The following MAD1L1 variants were observed in gnomAD, a reference collection of about 807,000 sequenced individuals.
MAD1L1 encodes the protein mitotic arrest deficient 1 like 1.
MAD1L1 carries 95 observed loss-of-function variants against 96.9 expected under a neutral mutation model. The ratio of observed to expected loss-of-function variants is 0.98; its 90% CI spans 0.83 to 1.16. The LOEUF is 1.16. MAD1L1 is among the 50% of genes most tolerant of loss of function. The probability of loss-of-function intolerance (pLI) is 0.00; values close to 1 mark genes in which losing one functional copy is unlikely to be tolerated. For missense variants in MAD1L1, 1,007 were observed against 954.4 expected (o/e 1.06, Z -0.73); for synonymous variants, 473 against 396.6 (o/e 1.19, Z -2.29).
At chr7:2,220,143 C>T (rs533388949) in intron 5 of MAD1L1, among the ~76,000 whole-genome samples, 1 of 152,196 alleles carries the variant, frequency 6.6e-6, no homozygotes, top group Non-Finnish European at 1.5e-5. Flanking sequence ...GGCCAACCAA[C>T]AGGACAAAGA....
At chr7:1,859,010 G>A (rs568185114) in intron 18 of MAD1L1, among the ~76,000 whole-genome samples, 3 of 152,214 alleles carry the variant, frequency 2.0e-5, no homozygotes, top group South Asian at 2.1e-4. Flanking sequence ...CCCCCGACTC[G>A]GCCTGCATGG....
chr7:1,878,289 G>A (rs1487726356), intron 18 of MAD1L1, among the ~76,000 whole-genome samples: 2 of 151,890 alleles, frequency 1.3e-5, no homozygotes, highest in Non-Finnish European at 2.9e-5. Flanking sequence ...AAAAGAGGAG[G>A]AGGGAACCCT....
chr7:2,220,510 C>T (rs1300861422), intron 5 of MAD1L1, among the ~76,000 whole-genome samples: 1 of 152,260 alleles, frequency 6.6e-6, no homozygotes, highest in Non-Finnish European at 1.5e-5. Context: ...CACGGAAACA[C>T]ACGGGCGTGA....
At chr7:2,189,298 T>C (rs1791606241) in intron 10 of MAD1L1, among the ~76,000 whole-genome samples, 1 of 152,220 alleles carries the variant, frequency 6.6e-6, no homozygotes, top group Non-Finnish European at 1.5e-5. Context: ...AACCACAGGA[T>C]CCAGCAGGTT....
intron 15 of MAD1L1, among the ~76,000 whole-genome samples, chr7:1,961,369 T>G (rs1422140363): frequency 6.6e-6 from 1 of 152,152 alleles, no homozygotes; most frequent in Non-Finnish European, 1.5e-5. Flanking sequence ...ATCACAACAG[T>G]GCAGTACTGG....
chr7:2,093,520 C>T (rs1786322705), intron 11 of MAD1L1, among the ~76,000 whole-genome samples: 1 of 152,214 alleles, frequency 6.6e-6, no homozygotes, highest in African/African-American at 2.4e-5. Context: ...TTTGCTGTCT[C>T]CTCCACATTC....
chr7:1,936,179 G>T (rs1282973755), intron 17 of MAD1L1, among the ~76,000 whole-genome samples: 1 of 152,240 alleles, frequency 6.6e-6, no homozygotes, highest in Admixed American at 6.5e-5. Flanking sequence ...CCACATCAGG[G>T]GATAGGCTGG....
At chr7:2,116,283 T>A (rs1210072283) in intron 11 of MAD1L1, among the ~76,000 whole-genome samples, 1 of 152,130 alleles carries the variant, frequency 6.6e-6, no homozygotes, top group Non-Finnish European at 1.5e-5. Flanking sequence ...GTGTGCCAAG[T>A]GCCGGGAGGA....
At chr7:2,095,796 G>A (rs567045412) in intron 11 of MAD1L1, among the ~76,000 whole-genome samples, 1 of 152,330 alleles carries the variant, frequency 6.6e-6, no homozygotes, top group Admixed American at 6.5e-5. Flanking sequence ...GACAGCTGTG[G>A]GTGCAGGCCG....
intron 11 of MAD1L1, among the ~76,000 whole-genome samples, chr7:2,145,935 G>C (rs1789275016): frequency 6.6e-6 from 1 of 152,228 alleles, no homozygotes; most frequent in Non-Finnish European, 1.5e-5. Context: ...TGTCATGTTG[G>C]TGAAAGGAAC....
rs371561369 is a variant in MAD1L1 at position 1,936,828 on chromosome 7, G to A, written c.1666C>T (p.Arg556Cys). Reference sequence around the variant, plus strand: ...AGCTGGCTGTGGTCCTCGCGCAGGCGCTGCCTGGCCACACTGGTGGGGTTC... The same window carrying A: ...AGCTGGCTGTGGTCCTCGCGCAGGCACTGCCTGGCCACACTGGTGGGGTTC... ...SLNPTSVARQ[R>C]LREDHSQLQA... is the part of the protein sequence containing the mutation. The change falls in exon 17 of 19, where the codon CGC becomes TGC. Residue 556 changes from arginine to cysteine, a missense_variant. Transcript: ENST00000265854. 2.7e-5 allele frequency: 43 copies of A among 1,603,784 alleles called. No individual in the cohort carries two copies. Among genetic ancestry groups the A allele is most frequent in the African/African-American group, 5.3e-5 (4 of 74,980 alleles).
intron 11 of MAD1L1, among the ~76,000 whole-genome samples, chr7:2,125,974 G>GT (rs1788212873): frequency 6.6e-6 from 1 of 152,260 alleles, no homozygotes; most frequent in South Asian, 2.1e-4. Flanking sequence ...AGGTGAGAAA[G>GT]TGAGTGGGGC....
chr7:1,917,650 A>G (rs1788496329), intron 17 of MAD1L1, among the ~76,000 whole-genome samples: 1 of 152,152 alleles, frequency 6.6e-6, no homozygotes, highest in Non-Finnish European at 1.5e-5. Flanking sequence ...AGGAGAGAAG[A>G]AGGGTGTCGC....
intron 18 of MAD1L1, among the ~76,000 whole-genome samples, chr7:1,839,222 G>C (rs550455030): frequency 6.6e-6 from 1 of 152,218 alleles, no homozygotes; most frequent in South Asian, 2.1e-4. Context: ...TTGGTGGGAG[G>C]GCGGGGCTAG....
chr7:2,010,357 T>C lies in MAD1L1; in HGVS notation c.1359+4145A>G, dbSNP rs1782240305. 2.0e-5 allele frequency among the ~76,000 whole-genome samples: 3 copies of C among 152,230 alleles called. No individual in the cohort carries two copies. In the South Asian group the frequency reaches 6.2e-4, roughly 32 times the overall value. On this transcript the variant is annotated intron_variant, in intron 13 of 18. Coordinates refer to ENST00000265854, the MANE Select transcript of MAD1L1 (RefSeq NM_001013836.2). Reference sequence around the variant, plus strand: ...CTTCTGCCTAAATCGTTAGGAACTATTTCAGAGTCCCTGCAACCTGAAACG... The same window carrying C: ...CTTCTGCCTAAATCGTTAGGAACTACTTCAGAGTCCCTGCAACCTGAAACG...
At chr7:2,102,337 TCACCAC>T (rs1468289072) in intron 11 of MAD1L1, among the ~76,000 whole-genome samples, 1 of 133,140 alleles carries the variant, frequency 7.5e-6, no homozygotes, top group African/African-American at 2.9e-5. Context: ...ACCATCACCA[TCACCAC>T]CGCCACCATC....
At chr7:1,915,913 T>C (rs938005781) in intron 17 of MAD1L1, among the ~76,000 whole-genome samples, 1 of 152,200 alleles carries the variant, frequency 6.6e-6, no homozygotes, top group Non-Finnish European at 1.5e-5. Flanking sequence ...AGTGATTCGT[T>C]ATACTTCATC....
intron 18 of MAD1L1, chr7:1,829,771 C>T (rs1487652309): frequency 2.1e-5 from 3 of 146,126 alleles, no homozygotes; most frequent in Non-Finnish European, 4.5e-5. Flanking sequence ...ACACAAAGTA[C>T]ATCATAATCA....
chr7:2,172,369 C>T (rs1441699678), intron 10 of MAD1L1, among the ~76,000 whole-genome samples: 1 of 152,182 alleles, frequency 6.6e-6, no homozygotes, highest in African/African-American at 2.4e-5. Context: ...CTCCAACTCT[C>T]GTCTGACTCT....
Sources: gnomAD v4.1 joint callset for allele counts (sites outside exome capture counted in the v4.1 genomes callset) on GRCh38, gnomAD v4.1.1 for gene constraint, MANE v1.5 for transcripts, NCBI Gene and HGNC (gene_info 2026-07-23, HGNC 2026-07-21) for gene names.